Variants in ZNF578 observed in about 807,000 individuals in gnomAD.
ZNF578 encodes the protein Putative chemokine-related protein B42.
Under a neutral mutation model 8.3 loss-of-function variants are expected in ZNF578, and 8 were observed. That is an observed-to-expected ratio of 0.96 (90% CI 0.56 to 1.74). The LOEUF (loss-of-function observed/expected upper bound fraction) is 1.74, where lower values mean the gene tolerates loss of function less well. Among genes scored for constraint, ZNF578 ranks in the 40% most tolerant of loss-of-function variants. The pLI, the probability that ZNF578 is intolerant of heterozygous loss-of-function variation, is 0.00. For missense variants in ZNF578, 726 were observed against 707.5 expected (o/e 1.03, Z -0.30); for synonymous variants, 206 against 232.2 (o/e 0.89, Z 1.03).
intron 5 of ZNF578, among the ~76,000 whole-genome samples, chr19:52,505,867 C>A (rs980983713): frequency 3.3e-5 from 5 of 151,908 alleles, no homozygotes; most frequent in African/African-American, 1.2e-4. Context: ...TCATTTCCTT[C>A]AGACACAGTG....
intron 2 of ZNF578, among the ~76,000 whole-genome samples, chr19:52,487,150 TAGTG>T (rs1218655505): frequency 6.6e-5 from 10 of 151,744 alleles, no homozygotes; most frequent in African/African-American, 2.4e-4. Context: ...CTGGGCAACA[TAGTG>T]AGAACACCAT....
At chr19:52,498,079 G>T (rs1282062246) in intron 3 of ZNF578, among the ~76,000 whole-genome samples, 1 of 152,176 alleles carries the variant, frequency 6.6e-6, no homozygotes, top group Non-Finnish European at 1.5e-5. Flanking sequence ...TGATATGTTT[G>T]GGATTGATGC....
chr19:52,511,084 G>A lies in ZNF578; in HGVS notation c.703G>A (p.Glu235Lys). Residue 235 changes from glutamate (E) to lysine (K), a missense_variant, in exon 6 of 6, where the codon GAG becomes AAG. Physicochemically the swap from Glu to Lys is moderately conservative, Grantham distance 56 (BLOSUM62 1). Coordinates refer to ENST00000421239, the MANE Select transcript of ZNF578 (RefSeq NM_001099694.2). ...HMREKSFQCN[E>K]TGEAFNCSSF... ...GAGAGAAAAATCTTTCCAATGTAAT[G>A]AGACTGGCGAAGCCTTTAATTGTAG... 1 of 1,614,156 alleles carries A rather than the reference G, an allele frequency of 6.2e-7. No homozygotes were observed.
At chr19:52,466,706 A>G (rs941187540) in intron 2 of ZNF578, among the ~76,000 whole-genome samples, 1 of 152,040 alleles carries the variant, frequency 6.6e-6, no homozygotes, top group Admixed American at 6.5e-5. Flanking sequence ...TCGTGTGTAT[A>G]TGTATGTCTA....
intron 2 of ZNF578, among the ~76,000 whole-genome samples, chr19:52,480,255 G>A (rs1027644509): frequency 1.3e-5 from 2 of 152,262 alleles, no homozygotes; most frequent in Non-Finnish European, 2.9e-5. Flanking sequence ...GCTAAAGATT[G>A]ATTTCCAGCA....
At chr19:52,472,445 C>G (rs550083855) in intron 2 of ZNF578, among the ~76,000 whole-genome samples, 13 of 152,314 alleles carry the variant, frequency 8.5e-5, no homozygotes, top group African/African-American at 3.1e-4. Context: ...ATTAAACTCT[C>G]TACTCTGATA....
chr19:52,483,349 A>G (rs2059333803), intron 2 of ZNF578, among the ~76,000 whole-genome samples: 1 of 152,172 alleles, frequency 6.6e-6, no homozygotes, highest in African/African-American at 2.4e-5. Context: ...CGGGAAGCAA[A>G]GGTTGTGGTG....
chr19:52,489,408 A>G (rs2059357517), intron 2 of ZNF578, among the ~76,000 whole-genome samples: 1 of 151,808 alleles, frequency 6.6e-6, no homozygotes, highest in South Asian at 2.1e-4. Flanking sequence ...TGACCAATAT[A>G]GAGAAACCTC....
chr19:52,510,832 C>G lies in ZNF578; in HGVS notation c.451C>G (p.Pro151Ala), dbSNP rs762917303. Reference sequence around the variant, plus strand: ...TGATCAAAGGCATGCTGGAAACAAGCCTATTAAAGATCAGCTTGGATTAAG... The same window carrying G: ...TGATCAAAGGCATGCTGGAAACAAGGCTATTAAAGATCAGCTTGGATTAAG... ...RHDQRHAGNK[P>A]IKDQLGLSFH... Residue 151 changes from proline to alanine, a missense_variant, in exon 6 of 6, where the codon CCT becomes GCT. Transcript: ENST00000421239. 2.4e-5 allele frequency: 38 copies of G among 1,614,012 alleles called. No homozygotes were observed. Among genetic ancestry groups the G allele is most frequent in the Non-Finnish European group, 3.1e-5 (37 of 1,180,020 alleles).
intron 2 of ZNF578, among the ~76,000 whole-genome samples, chr19:52,484,853 C>G (rs997140405): frequency 2.6e-5 from 4 of 151,232 alleles, no homozygotes; most frequent in Admixed American, 2.0e-4. Flanking sequence ...TCTCCCTTCA[C>G]TGACTCTCTT....
intron 2 of ZNF578, among the ~76,000 whole-genome samples, chr19:52,482,089 A>G (rs370836244): frequency 2.0e-5 from 3 of 152,222 alleles, no homozygotes; most frequent in East Asian, 3.9e-4. Flanking sequence ...GCTGGAGTGC[A>G]ATGGTATGAT....
At chr19:52,482,809 T>C (rs11878209) in intron 2 of ZNF578, among the ~76,000 whole-genome samples, 93,105 of 151,148 alleles carry the variant, frequency 0.62, 28,794 homozygotes, top group African/African-American at 0.65. Flanking sequence ...TGGTGGTACA[T>C]GCCTCTAATT....
chr19:52,483,901 G>C (rs77646350), intron 2 of ZNF578, among the ~76,000 whole-genome samples: 1 of 151,448 alleles, frequency 6.6e-6, no homozygotes, highest in Non-Finnish European at 1.5e-5. Context: ...CAGGTGGAAC[G>C]AGAGACTTGA....
intron 2 of ZNF578, among the ~76,000 whole-genome samples, chr19:52,489,376 C>T (rs2059357352): frequency 1.3e-5 from 2 of 152,028 alleles, no homozygotes; most frequent in African/African-American, 2.4e-5. Flanking sequence ...AATCACCTGA[C>T]GTCGGGGGTT....
chr19:52,481,833 C>T (rs2059327519), intron 2 of ZNF578, among the ~76,000 whole-genome samples: 1 of 152,054 alleles, frequency 6.6e-6, no homozygotes, highest in South Asian at 2.1e-4. Flanking sequence ...TAGGCTCAAG[C>T]AATCCTCCTA....
At position 52,501,971 on chromosome 19, in the gene ZNF578, T is replaced by C. The variant is rs989376341; in HGVS notation, c.63+63T>C. 5 of 1,584,218 alleles carry C rather than the reference T, an allele frequency of 3.2e-6. No individual in the cohort carries two copies. In the African/African-American group the frequency reaches 5.4e-5, roughly 17 times the overall value. ...TCCTTTCTGAAGTGTAGTAGTATTA[T>C]ATTGTATTGTAGTAATGTATTGTAA... On this transcript the variant is annotated intron_variant, in intron 4 of 5. Transcript: ENST00000421239.
chr19:52,505,248 C>G (rs1324521549), intron 5 of ZNF578, among the ~76,000 whole-genome samples: 2 of 152,040 alleles, frequency 1.3e-5, no homozygotes, highest in Non-Finnish European at 2.9e-5. Context: ...CAATGTTCAT[C>G]CCATAAACTA....
chr19:52,507,491 G>A (rs973967930), intron 5 of ZNF578, among the ~76,000 whole-genome samples: 4 of 152,026 alleles, frequency 2.6e-5, no homozygotes, highest in Admixed American at 2.0e-4. Context: ...TAGGAGAATC[G>A]TGCCACTGCA....
chr19:52,503,929 C>A (rs2059416316), intron 4 of ZNF578, among the ~76,000 whole-genome samples: 1 of 151,456 alleles, frequency 6.6e-6, no homozygotes, highest in Non-Finnish European at 1.5e-5. Flanking sequence ...TCTTGAGTAG[C>A]TGGGAGTACA....
Sources: allele counts gnomAD v4.1 joint callset (sites outside exome capture counted in the v4.1 genomes callset), GRCh38; gene constraint gnomAD v4.1.1; transcripts MANE v1.5; gene names NCBI Gene and HGNC (gene_info 2026-07-23, HGNC 2026-07-21).